CHCHD3: variants seen among roughly 807,000 people sequenced by gnomAD.
The protein encoded by CHCHD3 is coiled-coil-helix-coiled-coil-helix domain containing 3.
Under a neutral mutation model 38.2 loss-of-function variants are expected in CHCHD3, and 20 were observed. The observed-to-expected ratio is 0.52, with a 90% CI of 0.37 to 0.76. The LOEUF (loss-of-function observed/expected upper bound fraction) is 0.76. Ranked by LOEUF, CHCHD3 falls within the 30% of genes least tolerant of loss-of-function variation. The pLI is 0.00. For missense variants in CHCHD3, 245 were observed against 279.2 expected (o/e 0.88, Z 0.87); for synonymous variants, 82 against 100.0 (o/e 0.82, Z 1.07).
intron 2 of CHCHD3, among the ~76,000 whole-genome samples, chr7:133,029,989 T>G (rs530696815): frequency 6.6e-6 from 1 of 150,642 alleles, no homozygotes; most frequent in Non-Finnish European, 1.5e-5. Flanking sequence ...ATCTTTCTAA[T>G]GCCCTACCTA....
At chr7:132,957,607 G>A (rs888735670) in intron 4 of CHCHD3, among the ~76,000 whole-genome samples, 33 of 151,938 alleles carry the variant, frequency 2.2e-4, no homozygotes, top group African/African-American at 6.3e-4. Flanking sequence ...CTCAGCCTCC[G>A]AGTAGCTGGG....
chr7:132,997,699 C>T (rs1189524402), intron 3 of CHCHD3, among the ~76,000 whole-genome samples: 2 of 133,634 alleles, frequency 1.5e-5, no homozygotes, highest in Non-Finnish European at 3.2e-5. Context: ...CAGCAAGAGA[C>T]CAAATGTGTT....
At position 132,796,488 on chromosome 7, in the gene CHCHD3, G is replaced by T. The variant is rs866221129; in HGVS notation, c.614C>A (p.Ser205Tyr). ...RENTHQTLKC[S>Y]ALATQYMHCV... ...GTGCATATACTGGGTGGCCAGAGCGGAGCATTTGAGGGTCTGGTGGGTGTT... is the reference window on the plus strand; with the variant it reads ...GTGCATATACTGGGTGGCCAGAGCGTAGCATTTGAGGGTCTGGTGGGTGTT... The change falls in exon 7 of 8, where the codon TCC (serine) becomes TAC (tyrosine). Residue 205 changes from serine to tyrosine, a missense_variant. Transcript: ENST00000262570. 6 of 1,613,922 alleles carry T rather than the reference G, an allele frequency of 3.7e-6. No individual in the cohort carries two copies. The highest frequency in any genetic ancestry group is 5.1e-6 in the Non-Finnish European group (6 of 1,179,886).
chr7:133,024,688 A>G lies in CHCHD3; in HGVS notation c.170-61T>C, dbSNP rs550797993. 693 of 1,255,626 alleles carry G rather than the reference A, an allele frequency of 5.5e-4. 8 individuals carry two copies. The South Asian group carries it at 6.8e-3, about 12-fold the overall frequency. The allele number at this position is 1,255,626 out of a possible 1,614,324, so 77.8% of individuals were successfully genotyped here. On this transcript the variant is annotated intron_variant, in intron 2 of 7. Coordinates refer to ENST00000262570, the MANE Select transcript of CHCHD3 (RefSeq NM_017812.4). ...GTGACTTCTTAAAAATAAAAGCAAG[A>G]AAATACTCAGGAAAGCCCGGCTGAG... is the stretch of plus-strand genomic sequence containing the variant.
In CHCHD3 at chr7:132,883,015, A is replaced by C. The variant is rs190966190; in HGVS notation, c.453+2647T>G. Reference sequence around the variant, plus strand: ...AGAGAGTTCTCAGATCTGATGGTTTAAAAGTAGTTTCCCCTGCACGCTCTC... The same window carrying C: ...AGAGAGTTCTCAGATCTGATGGTTTCAAAGTAGTTTCCCCTGCACGCTCTC... On this transcript the variant is annotated intron_variant, in intron 5 of 7. Transcript: ENST00000262570. Among the ~76,000 whole-genome samples the C allele has an allele frequency of 2.0e-5, 3 of 148,176 alleles. No homozygotes were observed. The East Asian group carries it at 6.0e-4, about 30-fold the overall frequency.
At chr7:132,837,969 G>T (rs1203189781) in intron 6 of CHCHD3, among the ~76,000 whole-genome samples, 1 of 152,136 alleles carries the variant, frequency 6.6e-6, no homozygotes, top group African/African-American at 2.4e-5. Flanking sequence ...CAAGGTACAT[G>T]TGAAGAAATG....
intron 5 of CHCHD3, among the ~76,000 whole-genome samples, chr7:132,877,894 G>A (rs1808953333): frequency 6.6e-6 from 1 of 152,078 alleles, no homozygotes; most frequent in Non-Finnish European, 1.5e-5. Flanking sequence ...ACATCTACCA[G>A]GAAGTTACAT....
intron 5 of CHCHD3, among the ~76,000 whole-genome samples, chr7:132,867,025 A>G (rs889918486): frequency 6.6e-6 from 1 of 152,022 alleles, no homozygotes; most frequent in Non-Finnish European, 1.5e-5. Flanking sequence ...TACACATACC[A>G]TCATTTTCTC....
intron 4 of CHCHD3, among the ~76,000 whole-genome samples, chr7:132,899,063 C>G (rs1277339364): frequency 1.3e-5 from 2 of 152,202 alleles, no homozygotes; most frequent in African/African-American, 4.8e-5. Flanking sequence ...CACAGTGCAG[C>G]GGTGGGCTGA....
intron 4 of CHCHD3, among the ~76,000 whole-genome samples, chr7:132,933,102 G>A (rs1466369894): frequency 3.9e-5 from 6 of 152,148 alleles, no homozygotes; most frequent in Non-Finnish European, 7.4e-5. Context: ...AGCAGACTCC[G>A]TTCTGAGTTA....
chr7:132,968,430 C>T (rs1278188203), intron 4 of CHCHD3, among the ~76,000 whole-genome samples: 7 of 152,138 alleles, frequency 4.6e-5, no homozygotes, highest in South Asian at 2.1e-4. Flanking sequence ...TCCAATTCAA[C>T]GTGGAAATAC....
At chr7:132,924,503 G>A (rs2117243693) in intron 4 of CHCHD3, among the ~76,000 whole-genome samples, 1 of 152,214 alleles carries the variant, frequency 6.6e-6, no homozygotes, top group Non-Finnish European at 1.5e-5. Flanking sequence ...TTGAAATTGA[G>A]ACTATAAACC....
intron 1 of CHCHD3, among the ~76,000 whole-genome samples, chr7:133,077,360 G>A (rs189442077): frequency 2.6e-5 from 4 of 152,026 alleles, no homozygotes; most frequent in Admixed American, 1.3e-4. Flanking sequence ...CAGTAATACC[G>A]CATATTAAGT....
In CHCHD3 at chr7:133,035,351, C is replaced by A; in HGVS notation, c.170-10724G>T. ...GGGGCTGGTTAATGCAGGTGAGGAA[C>A]CAGCGGTTGGTATTGCGAAAGGCCC... On this transcript the variant is annotated intron_variant, in intron 2 of 7. Coordinates refer to ENST00000262570, the MANE Select transcript of CHCHD3 (RefSeq NM_017812.4). The surrounding 1 kb of genome is among the most constrained non-coding windows in gnomAD (Gnocchi z 4.7). 2 of 1,612,214 alleles carry A rather than the reference C, an allele frequency of 1.2e-6. No homozygotes were observed. The highest frequency in any genetic ancestry group is 1.1e-5 in the South Asian group (1 of 91,044).
chr7:132,973,625 G>A (rs2117329297), intron 4 of CHCHD3: 3 of 1,014,046 alleles, frequency 3.0e-6, no homozygotes, highest in South Asian at 4.0e-5. Flanking sequence ...CCTCTATTCT[G>A]GCTTCACTAT....
chr7:133,043,952 C>T (rs548367612), intron 2 of CHCHD3, among the ~76,000 whole-genome samples: 3 of 152,256 alleles, frequency 2.0e-5, no homozygotes, highest in East Asian at 1.9e-4. Context: ...AGCATCCTGA[C>T]GCTAATTTTC....
intron 3 of CHCHD3, among the ~76,000 whole-genome samples, chr7:132,983,284 T>C (rs757698717): frequency 1.3e-4 from 20 of 152,082 alleles, no homozygotes; most frequent in Non-Finnish European, 2.5e-4. Context: ...GATCACGCCA[T>C]TGCACTCCAG....
At chr7:132,870,974 T>C (rs1375856286) in intron 5 of CHCHD3, among the ~76,000 whole-genome samples, 1 of 152,184 alleles carries the variant, frequency 6.6e-6, no homozygotes, top group African/African-American at 2.4e-5. Flanking sequence ...ACTGACATAT[T>C]ATCCAGGTTG....
chr7:132,859,393 A>T (rs1808425206), intron 5 of CHCHD3, among the ~76,000 whole-genome samples: 1 of 152,214 alleles, frequency 6.6e-6, no homozygotes, highest in Non-Finnish European at 1.5e-5. Context: ...AACTGAAACA[A>T]CAACAACAAA....
Sources: gnomAD v4.1 joint callset for allele counts (sites outside exome capture counted in the v4.1 genomes callset) on GRCh38, gnomAD v4.1.1 for gene constraint, Gnocchi (gnomAD v3.1) non-coding constraint, MANE v1.5 for transcripts, NCBI Gene and HGNC (gene_info 2026-07-23, HGNC 2026-07-21) for gene names.